Variants in C6orf58 observed in about 807,000 individuals in gnomAD.
The protein encoded by C6orf58 is chromosome 6 open reading frame 58, also known as protein LEG1 homolog.
In C6orf58, 30 loss-of-function variants were observed where a neutral mutation model predicts 37.0. That is an observed-to-expected ratio of 0.81 (90% CI 0.61 to 1.10). The LOEUF (loss-of-function observed/expected upper bound fraction) is 1.10, where lower values mean the gene tolerates loss of function less well. Among genes scored for constraint, C6orf58 ranks in the 50% least tolerant of loss-of-function variants. The pLI is 0.00. For missense variants in C6orf58, 368 were observed against 387.5 expected, an observed-to-expected ratio of 0.95 and a Z score of 0.42; for synonymous variants, 143 against 134.1, an observed-to-expected ratio of 1.07 and a Z score of -0.46.
intron 2 of C6orf58, among the ~76,000 whole-genome samples, chr6:127,579,493 T>C (rs1011483608): frequency 6.6e-6 from 1 of 152,104 alleles, no homozygotes; most frequent in Non-Finnish European, 1.5e-5. Flanking sequence ...TCAGAGTTTG[T>C]TATTCTTAGA....
chr6:127,581,367 G>C (rs1302353317), intron 4 of C6orf58, 85 bp downstream of exon 4: 9 of 494,612 alleles, frequency 1.8e-5, no homozygotes, highest in Non-Finnish European at 2.3e-5. Context: ...TTCTTCTAGA[G>C]TGTTTTTCAA....
intron 4 of C6orf58, among the ~76,000 whole-genome samples, chr6:127,584,398 G>C (rs142975270): frequency 1.3e-5 from 2 of 152,302 alleles, no homozygotes; most frequent in East Asian, 3.9e-4. Flanking sequence ...TCCATGATGA[G>C]TATAGAGTTT....
At chr6:127,588,832 C>A (rs2121881) in intron 4 of C6orf58, among the ~76,000 whole-genome samples, 78,341 of 151,866 alleles carry the variant, frequency 0.52, 20,302 homozygotes, top group East Asian at 0.56. Context: ...CTCTGTGGCC[C>A]TTGCTCAAAA....
intron 4 of C6orf58, among the ~76,000 whole-genome samples, chr6:127,587,312 A>G (rs1443422952): frequency 6.6e-6 from 1 of 152,202 alleles, no homozygotes; most frequent in Non-Finnish European, 1.5e-5. Flanking sequence ...TCAGTTCAGA[A>G]TATAATAAAA....
intron 4 of C6orf58, among the ~76,000 whole-genome samples, chr6:127,581,998 T>A (rs1324086135): frequency 1.3e-5 from 2 of 152,168 alleles, no homozygotes; most frequent in East Asian, 3.9e-4. Flanking sequence ...ATCGTGGCAA[T>A]TTTAGGCCAA....
chr6:127,578,626 A>T, intron 1 of C6orf58, 60 bp from the exon 2 acceptor site: 2 of 1,148,526 alleles, frequency 1.7e-6, no homozygotes, highest in Non-Finnish European at 2.6e-6. Context: ...GTTAAGCAAT[A>T]GTTACAGCCA....
intron 4 of C6orf58, among the ~76,000 whole-genome samples, chr6:127,583,092 TTTTG>T (rs1231925134): frequency 6.6e-6 from 1 of 152,190 alleles, no homozygotes; most frequent in Non-Finnish European, 1.5e-5. Context: ...ATTATCTTCC[TTTTG>T]TTTTTCAAAT....
chr6:127,591,668 G>A lies in C6orf58; in HGVS notation c.*46G>A, dbSNP rs1274821824. 7.0e-7 allele frequency: 1 copy of A among 1,421,856 alleles called. No homozygotes were observed. Among genetic ancestry groups the A allele is most frequent in the Non-Finnish European group, 9.3e-7 (1 of 1,079,222 alleles). The allele number at this position is 1,421,856 out of a possible 1,614,324, so 88.1% of individuals were successfully genotyped here. On this transcript the variant is annotated 3_prime_UTR_variant, in exon 6 of 6. Transcript: ENST00000329722. ...AGGAAATGATTAATGAATTAAAAATGAAAAACTCGAACTTGACAATCAGTA... is the reference window on the plus strand; with the variant it reads ...AGGAAATGATTAATGAATTAAAAATAAAAAACTCGAACTTGACAATCAGTA...
At chr6:127,590,876 A>G (rs540396888) in intron 5 of C6orf58, among the ~76,000 whole-genome samples, 12 of 152,260 alleles carry the variant, frequency 7.9e-5, no homozygotes, top group Non-Finnish European at 1.6e-4. Flanking sequence ...GAAAGTGACT[A>G]TATCATTCCC....
intron 1 of C6orf58, 92 bp downstream of exon 1, chr6:127,577,578 T>A: frequency 9.4e-7 from 1 of 1,063,218 alleles, no homozygotes; most frequent in Non-Finnish European, 1.4e-6. Context: ...CTACTATGTT[T>A]TTAAAAATTG....
At chr6:127,585,989 C>G (rs1775102394) in intron 4 of C6orf58, among the ~76,000 whole-genome samples, 1 of 152,146 alleles carries the variant, frequency 6.6e-6, no homozygotes, top group African/African-American at 2.4e-5. Flanking sequence ...TACCTGTCTA[C>G]TTGCATATAG....
At chr6:127,585,370 A>T (rs1775096462) in intron 4 of C6orf58, among the ~76,000 whole-genome samples, 1 of 152,198 alleles carries the variant, frequency 6.6e-6, no homozygotes, top group Non-Finnish European at 1.5e-5. Flanking sequence ...CTTGATCAAA[A>T]TAGGATCACA....
At chr6:127,585,751 C>A (rs976844335) in intron 4 of C6orf58, among the ~76,000 whole-genome samples, 1 of 152,076 alleles carries the variant, frequency 6.6e-6, no homozygotes, top group Admixed American at 6.5e-5. Flanking sequence ...ATAAATAATT[C>A]TCTTCTAATT....
At position 127,577,219 on chromosome 6, in the gene C6orf58, G is replaced by A. The variant is rs747532724; in HGVS notation, c.34G>A (p.Val12Ile). ...TCTTCCTTCCTGGGTTTGTGTACTA[G>A]TTGGTTCCTTTTCTGCTTCCTTAGC... ...AFLPSWVCVL[V>I]GSFSASLAGT... Residue 12 changes from valine (V) to isoleucine (I), a missense_variant, in exon 1 of 6, where the codon GTT (valine) becomes ATT (isoleucine). Val to Ile is a conservative substitution (Grantham distance 29). Coordinates refer to ENST00000329722, the MANE Select transcript of C6orf58 (RefSeq NM_001010905.3). 5.0e-6 allele frequency: 8 copies of A among 1,613,386 alleles called. No individual in the cohort carries two copies. Among genetic ancestry groups the A allele is most frequent in the African/African-American group, 2.7e-5 (2 of 74,878 alleles).
At chr6:127,588,514 T>G (rs1295230455) in intron 4 of C6orf58, among the ~76,000 whole-genome samples, 1 of 152,232 alleles carries the variant, frequency 6.6e-6, no homozygotes, top group Non-Finnish European at 1.5e-5. Flanking sequence ...CTGTATATTT[T>G]GTAGCTTGCA....
chr6:127,578,450 G>T (rs1224361948), intron 1 of C6orf58, among the ~76,000 whole-genome samples: 1 of 152,102 alleles, frequency 6.6e-6, no homozygotes, highest in East Asian at 1.9e-4. Flanking sequence ...CCTTACAAAA[G>T]TAAATAATAT....
chr6:127,584,035 T>G (rs1014500534), intron 4 of C6orf58, among the ~76,000 whole-genome samples: 1 of 152,226 alleles, frequency 6.6e-6, no homozygotes, highest in Non-Finnish European at 1.5e-5. Context: ...TTGTAATACC[T>G]TTTTAAACTG....
chr6:127,584,783 CAA>C (rs34714127), intron 4 of C6orf58, among the ~76,000 whole-genome samples: 117 of 119,596 alleles, frequency 9.8e-4, no homozygotes, highest in Middle Eastern at 4.4e-3. Flanking sequence ...ACTCCATCTC[CAA>C]AAAAAAAAAA....
At position 127,577,441 on chromosome 6, in the gene C6orf58, A is replaced by G. The variant is rs1468919414; in HGVS notation, c.256A>G (p.Ile86Val). Residue 86 changes from isoleucine (I) to valine (V), a missense_variant, in exon 1 of 6, where the codon ATT becomes GTT. Coordinates refer to ENST00000329722, the MANE Select transcript of C6orf58 (RefSeq NM_001010905.3). ...ATTTGCACCAGATAATGAACAGAAT[A>G]TTTTATGGGGGTTGCCTCTGCAGTA... ...AKFAPDNEQNILWGLPLQYGW... is the reference protein window; with the variant it reads ...AKFAPDNEQNVLWGLPLQYGW... 2 of 1,613,588 alleles carry G rather than the reference A, an allele frequency of 1.2e-6. No individual in the cohort carries two copies. Among genetic ancestry groups the G allele is most frequent in the African/African-American group, 1.3e-5 (1 of 74,884 alleles).
Sources: gnomAD v4.1 joint callset for allele counts (sites outside exome capture counted in the v4.1 genomes callset) on GRCh38, gnomAD v4.1.1 for gene constraint, MANE v1.5 for transcripts, NCBI Gene and HGNC (gene_info 2026-07-23, HGNC 2026-07-21) for gene names.